ALPK2: variants seen among roughly 807,000 people sequenced by gnomAD.
The protein encoded by ALPK2 is alpha-protein kinase 2.
ALPK2 carries 127 observed loss-of-function variants against 163.1 expected under a neutral mutation model. The observed-to-expected ratio is 0.78, with a 90% CI of 0.67 to 0.90. ALPK2 has a LOEUF of 0.90. Ranked by LOEUF, ALPK2 falls within the 40% of genes least tolerant of loss-of-function variation. The pLI is 0.00. For synonymous variants in ALPK2, 953 were observed against 959.1 expected, an observed-to-expected ratio of 0.99 and a Z score of 0.12; for missense variants, 2,360 against 2,589.6, an observed-to-expected ratio of 0.91 and a Z score of 1.92.
chr18:58,558,579 C>G (rs1568085159), intron 4 of ALPK2, among the ~76,000 whole-genome samples: 1 of 152,160 alleles, frequency 6.6e-6, no homozygotes, highest in Non-Finnish European at 1.5e-5. Flanking sequence ...TAGGTACTTA[C>G]CCAAGATAAT....
intron 6 of ALPK2, among the ~76,000 whole-genome samples, chr18:58,525,037 C>T (rs942678072): frequency 6.7e-6 from 1 of 149,974 alleles, no homozygotes; most frequent in Non-Finnish European, 1.5e-5. Context: ...CACCAAGATT[C>T]TGTGTATGTA....
At chr18:58,500,533 G>A (rs527960569) in intron 11 of ALPK2, among the ~76,000 whole-genome samples, 2 of 152,306 alleles carry the variant, frequency 1.3e-5, no homozygotes, top group African/African-American at 4.8e-5. Context: ...AGAGTCTAAA[G>A]TTAAATCCTA....
chr18:58,611,859 G>A, intron 1 of ALPK2, 42 bp from the exon 2 acceptor site: 1 of 1,268,878 alleles, frequency 7.9e-7, no homozygotes, highest in Non-Finnish European at 1.1e-6. Context: ...TTTGTTCTGG[G>A]ATTTCTCTGG....
chr18:58,539,398 A>T (rs993671320), intron 4 of ALPK2, among the ~76,000 whole-genome samples: 21 of 152,226 alleles, frequency 1.4e-4, no homozygotes, highest in Admixed American at 6.5e-5. Context: ...CATTCTGAGG[A>T]TTGAGCCTTT....
chr18:58,551,052 G>A (rs913135881), intron 4 of ALPK2, among the ~76,000 whole-genome samples: 4 of 150,924 alleles, frequency 2.7e-5, no homozygotes, highest in Non-Finnish European at 4.4e-5. Context: ...TCTCACCCCC[G>A]AGATGGAGGT....
intron 11 of ALPK2, among the ~76,000 whole-genome samples, chr18:58,500,753 G>A (rs561341098): frequency 2.1e-3 from 311 of 146,710 alleles, no homozygotes; most frequent in Middle Eastern, 0.014. Flanking sequence ...GTGAAACCCC[G>A]TCTCTACTAA....
At chr18:58,554,793 T>C (rs2051780889) in intron 4 of ALPK2, among the ~76,000 whole-genome samples, 1 of 152,198 alleles carries the variant, frequency 6.6e-6, no homozygotes, top group Non-Finnish European at 1.5e-5. Flanking sequence ...CACCCAAATC[T>C]TATCTTGAAT....
intron 10 of ALPK2, among the ~76,000 whole-genome samples, chr18:58,506,475 C>G (rs1389085918): frequency 2.0e-5 from 3 of 152,220 alleles, no homozygotes; most frequent in Non-Finnish European, 2.9e-5. Flanking sequence ...CCCCACCCCC[C>G]ACATCTGCCT....
At chr18:58,524,824 A>AT (rs1183691471) in intron 6 of ALPK2, among the ~76,000 whole-genome samples, 3 of 152,096 alleles carry the variant, frequency 2.0e-5, no homozygotes, top group Non-Finnish European at 4.4e-5. Flanking sequence ...TAAGCAAATG[A>AT]TTTTGACTTC....
intron 4 of ALPK2, among the ~76,000 whole-genome samples, chr18:58,567,433 C>A (rs1205453065): frequency 6.6e-6 from 1 of 151,950 alleles, no homozygotes; most frequent in Non-Finnish European, 1.5e-5. Flanking sequence ...AACTTAGGGA[C>A]CTATGTTGTT....
At chr18:58,612,554 T>C (rs567684267) in intron 1 of ALPK2, among the ~76,000 whole-genome samples, 256 of 152,338 alleles carry the variant, frequency 1.7e-3, no homozygotes, top group African/African-American at 6.1e-3. Context: ...TCAGAGAGGT[T>C]CAACAACTTG....
chr18:58,551,689 A>G (rs2051761109), intron 4 of ALPK2, among the ~76,000 whole-genome samples: 1 of 152,206 alleles, frequency 6.6e-6, no homozygotes, highest in Non-Finnish European at 1.5e-5. Context: ...GAGAAGAGAA[A>G]GGTTTCAAAT....
chr18:58,618,789 C>T (rs192563440), intron 1 of ALPK2, among the ~76,000 whole-genome samples: 1 of 152,288 alleles, frequency 6.6e-6, no homozygotes, highest in East Asian at 1.9e-4. Flanking sequence ...CCCCTGCACC[C>T]CTGCAATCTG....
chr18:58,568,514 G>A (rs2051868326), intron 4 of ALPK2, among the ~76,000 whole-genome samples: 1 of 152,146 alleles, frequency 6.6e-6, no homozygotes, highest in Admixed American at 6.6e-5. Context: ...GCTTCCATAA[G>A]GCACGCACGC....
chr18:58,554,264 AG>A (rs2051777414), intron 4 of ALPK2, among the ~76,000 whole-genome samples: 1 of 152,198 alleles, frequency 6.6e-6, no homozygotes, highest in African/African-American at 2.4e-5. Context: ...GATGCTTCTC[AG>A]GGTAGATCTA....
intron 3 of ALPK2, among the ~76,000 whole-genome samples, chr18:58,591,730 G>A (rs1037787107): frequency 2.0e-5 from 3 of 152,210 alleles, no homozygotes; most frequent in African/African-American, 7.2e-5. Flanking sequence ...GAAACAATAA[G>A]CCATTTTTAA....
chr18:58,611,687 A>C lies in ALPK2; in HGVS notation c.109+2T>G. ...GTGATTAGCTAGTCTAGTGATGGTT[A>C]CCAGATATTATGCAGCGAAGCACAG... On this transcript the variant is annotated splice_donor_variant, in intron 2 of 12. Transcript: ENST00000361673. LOFTEE classifies it high-confidence loss of function. 1 of 1,611,516 alleles carries C rather than the reference A, an allele frequency of 6.2e-7. No individual in the cohort carries two copies. Among genetic ancestry groups the C allele is most frequent in the Non-Finnish European group, 8.5e-7 (1 of 1,178,640 alleles).
chr18:58,499,212 C>T (rs1214582338), intron 11 of ALPK2, among the ~76,000 whole-genome samples: 1 of 152,112 alleles, frequency 6.6e-6, no homozygotes, highest in Non-Finnish European at 1.5e-5. Flanking sequence ...CCTGAGCTTC[C>T]CACTCTGGTT....
Position 58,550,092 on chromosome 18 carries a change from A to G in ALPK2, c.1963-11868T>C, listed in dbSNP as rs115974944. 7.9e-3 allele frequency among the ~76,000 whole-genome samples: 1,195 copies of G among 152,220 alleles called. 7 individuals are homozygous for G. Among genetic ancestry groups the G allele is most frequent in the African/African-American group, 0.028 (1,142 of 41,484 alleles). On this transcript the variant is annotated intron_variant, in intron 4 of 12. Transcript: ENST00000361673. Reference sequence around the variant, plus strand: ...GATTGTGCAGAGATAAGATTCTCTGATCTAAGAAGAAAGGAACATAGAAAA... The same window carrying G: ...GATTGTGCAGAGATAAGATTCTCTGGTCTAAGAAGAAAGGAACATAGAAAA...
Sources: allele counts gnomAD v4.1 joint callset (sites outside exome capture counted in the v4.1 genomes callset), GRCh38; gene constraint gnomAD v4.1.1; transcripts MANE v1.5; gene names NCBI Gene and HGNC (gene_info 2026-07-23, HGNC 2026-07-21).